Variants in DNAL1 observed in about 807,000 individuals in gnomAD.
DNAL1 encodes chromosome 14 open reading frame 168.
A neutral mutation model predicts 29.4 loss-of-function variants in DNAL1; 17 were observed. The observed-to-expected ratio is 0.58, with a 90% CI of 0.40 to 0.87. The LOEUF (loss-of-function observed/expected upper bound fraction) is 0.87, where lower values mean the gene tolerates loss of function less well. DNAL1 is among the 40% of genes least tolerant of loss of function. The probability of loss-of-function intolerance (pLI) is 0.00; values close to 1 mark genes in which losing one functional copy is unlikely to be tolerated. For missense variants in DNAL1, 188 were observed against 214.1 expected, an observed-to-expected ratio of 0.88 and a Z score of 0.76; for synonymous variants, 78 against 76.3, an observed-to-expected ratio of 1.02 and a Z score of -0.12.
rs1891657194 is a variant in DNAL1 at position 73,673,250 on chromosome 14, T to C, written c.264+1653T>C. The stretch of plus-strand genomic sequence containing the variant: ...GCTAAATGTAACTTTGAGTTATCTA[T>C]AAAGAAATAGTTTGCAGATAAATGT... On this transcript the variant is annotated intron_variant, in intron 5 of 7. Coordinates refer to ENST00000553645, the MANE Select transcript of DNAL1 (RefSeq NM_031427.4). Among the ~76,000 whole-genome samples, 2 of 152,202 alleles carry C rather than the reference T, an allele frequency of 1.3e-5. 1 individual carries two copies. Among genetic ancestry groups the C allele is most frequent in the South Asian group, 4.1e-4 (2 of 4,832 alleles).
In DNAL1 at chr14:73,696,201, C is replaced by G; in HGVS notation, c.*259C>G. ...TTTTGTCTTCAGTCTCAGTTACGTA[C>G]TGTGTAGCCCCATCTACTAAAACAA... On this transcript the variant is annotated 3_prime_UTR_variant, in exon 8 of 8. Transcript: ENST00000553645. 1 of 280,810 alleles carries G rather than the reference C, an allele frequency of 3.6e-6. No individual in the cohort carries two copies. The highest frequency in any genetic ancestry group is 6.6e-6 in the Non-Finnish European group (1 of 151,298). 17.4% of individuals were successfully genotyped at this position (280,810 alleles called of 1,614,324 possible).
At chr14:73,683,696 AT>A (rs1380375927) in intron 5 of DNAL1, among the ~76,000 whole-genome samples, 9 of 123,252 alleles carry the variant, frequency 7.3e-5, no homozygotes, top group African/African-American at 2.9e-4. Flanking sequence ...TTATTTATTT[AT>A]TTATTATTAT....
intron 4 of DNAL1, among the ~76,000 whole-genome samples, chr14:73,666,188 C>A (rs954652926): frequency 3.9e-5 from 6 of 152,104 alleles, no homozygotes; most frequent in Non-Finnish European, 8.8e-5. Flanking sequence ...ATAGTCTTAC[C>A]TATTATGCCA....
At chr14:73,690,364 G>A (rs1474694557) in intron 7 of DNAL1, among the ~76,000 whole-genome samples, 1 of 151,846 alleles carries the variant, frequency 6.6e-6, no homozygotes, top group East Asian at 1.9e-4. Context: ...TAAGAGAGAA[G>A]GAGCCTGGCC....
chr14:73,662,517 G>C (rs1034772544), intron 4 of DNAL1, among the ~76,000 whole-genome samples: 2 of 152,132 alleles, frequency 1.3e-5, no homozygotes, highest in South Asian at 2.1e-4. Context: ...TATGGTTCTG[G>C]AGACCAGAAG....
At position 73,645,036 on chromosome 14, in the gene DNAL1, C is replaced by T; in HGVS notation, c.-4C>T. ...CCAGAGCAGTGACAGTAGCAACCGC[C>T]GGAATGGTGAGTACCTTTCGGGCCG... On this transcript the variant is annotated 5_prime_UTR_variant, in exon 1 of 8. Coordinates refer to ENST00000553645, the MANE Select transcript of DNAL1 (RefSeq NM_031427.4). 3 of 1,609,564 alleles carry T rather than the reference C, an allele frequency of 1.9e-6. No homozygotes were observed. Among genetic ancestry groups the T allele is most frequent in the Admixed American group, 3.4e-5 (2 of 59,366 alleles).
intron 3 of DNAL1, among the ~76,000 whole-genome samples, chr14:73,660,832 A>G (rs1202737754): frequency 6.6e-6 from 1 of 152,174 alleles, no homozygotes; most frequent in Non-Finnish European, 1.5e-5. Flanking sequence ...ACCTCATACT[A>G]AAGCACCTTG....
rs888879211 is a variant in DNAL1 at position 73,701,659 on chromosome 14, C to T, written c.*5717C>T. The stretch of plus-strand genomic sequence containing the variant: ...TGGAGGGATCACTCCCATCAAAAGA[C>T]TGGTGAGTTGGAAGCTAAGAGCACA... On this transcript the variant is annotated 3_prime_UTR_variant, in exon 8 of 8. Transcript: ENST00000553645. 1 of 152,252 alleles carries T rather than the reference C, an allele frequency of 6.6e-6. No homozygotes were observed. Among genetic ancestry groups the T allele is most frequent in the African/African-American group, 2.4e-5 (1 of 41,472 alleles). 9.4% of individuals were successfully genotyped at this position (152,252 alleles called of 1,614,324 possible). A position where few individuals can be genotyped will look rare whatever the true frequency, so the allele number is the denominator to read the frequency against.
intron 4 of DNAL1, among the ~76,000 whole-genome samples, chr14:73,669,181 C>G (rs369235300): frequency 7.2e-5 from 11 of 152,176 alleles, no homozygotes; most frequent in Middle Eastern, 3.4e-3. Flanking sequence ...ACTCTGTTAC[C>G]CAGGCTAGAG....
intron 7 of DNAL1, among the ~76,000 whole-genome samples, chr14:73,692,839 T>TC (rs893032408): frequency 6.7e-6 from 1 of 149,206 alleles, no homozygotes; most frequent in Non-Finnish European, 1.5e-5. Flanking sequence ...AACTGAGGGA[T>TC]CTTTTTTTTT....
chr14:73,691,171 TAAATA>T (rs1268463230), intron 7 of DNAL1, among the ~76,000 whole-genome samples: 2 of 152,202 alleles, frequency 1.3e-5, no homozygotes, highest in South Asian at 2.1e-4. Context: ...TTATGAGGAT[TAAATA>T]AAATAATCTA....
At chr14:73,645,553 A>G (rs756288612) in intron 1 of DNAL1, among the ~76,000 whole-genome samples, 2 of 152,138 alleles carry the variant, frequency 1.3e-5, no homozygotes, top group Non-Finnish European at 2.9e-5. Context: ...TCTGATGGAT[A>G]TATTAGAGCA....
intron 2 of DNAL1, among the ~76,000 whole-genome samples, chr14:73,655,319 A>C (rs1179057296): frequency 6.6e-6 from 1 of 151,560 alleles, no homozygotes; most frequent in Admixed American, 6.6e-5. Flanking sequence ...TTTCTGTGTT[A>C]GTACATTTTC....
At chr14:73,671,447 T>C in intron 4 of DNAL1, 95 bp from the exon 5 acceptor site, 1 of 1,203,802 alleles carries the variant, frequency 8.3e-7, no homozygotes, top group Non-Finnish European at 1.1e-6. Flanking sequence ...AGGATATCTA[T>C]TATATAAAAC....
At chr14:73,649,313 C>G (rs182175666) in intron 1 of DNAL1, among the ~76,000 whole-genome samples, 5 of 147,340 alleles carry the variant, frequency 3.4e-5, no homozygotes, top group Non-Finnish European at 7.4e-5. Context: ...GACGGAGTCT[C>G]GCTCTGTCGC....
chr14:73,684,762 T>A (rs1195038927), intron 5 of DNAL1, among the ~76,000 whole-genome samples: 1 of 152,070 alleles, frequency 6.6e-6, no homozygotes, highest in Non-Finnish European at 1.5e-5. Flanking sequence ...TAGCCAAGCA[T>A]GGTGGCACGT....
At chr14:73,682,280 C>T (rs1329539778) in intron 5 of DNAL1, among the ~76,000 whole-genome samples, 2 of 147,446 alleles carry the variant, frequency 1.4e-5, no homozygotes, top group Non-Finnish European at 3.0e-5. Context: ...AAGTGATTCT[C>T]CTGCCTCAGC....
Position 73,696,261 on chromosome 14 carries a change from G to T in DNAL1, c.*319G>T. On this transcript the variant is annotated 3_prime_UTR_variant, in exon 8 of 8. Coordinates refer to ENST00000553645, the MANE Select transcript of DNAL1 (RefSeq NM_031427.4). Reference sequence around the variant, plus strand: ...AGACCAGTCATTTTTAATAACAAAGGAACAAATGTTTTTTTCAGTTTGTTC... The same window carrying T: ...AGACCAGTCATTTTTAATAACAAAGTAACAAATGTTTTTTTCAGTTTGTTC... 1 of 190,178 alleles carries T rather than the reference G, an allele frequency of 5.3e-6. No individual in the cohort carries two copies. The highest frequency in any genetic ancestry group is 1.1e-5 in the Non-Finnish European group (1 of 93,542). 11.8% of individuals were successfully genotyped at this position (190,178 alleles called of 1,614,324 possible).
intron 1 of DNAL1, among the ~76,000 whole-genome samples, chr14:73,651,909 A>T (rs376544915): frequency 6.6e-6 from 1 of 152,150 alleles, no homozygotes; most frequent in African/African-American, 2.4e-5. Context: ...TACCCGCCTC[A>T]GCCTCCCAAA....
Sources: gnomAD v4.1 joint callset for allele counts (sites outside exome capture counted in the v4.1 genomes callset) on GRCh38, gnomAD v4.1.1 for gene constraint, MANE v1.5 for transcripts, NCBI Gene and HGNC (gene_info 2026-07-23, HGNC 2026-07-21) for gene names.